The following FGD6 variants were observed in gnomAD, a reference collection of about 807,000 sequenced individuals.
FGD6 encodes the protein FYVE, RhoGEF and PH domain-containing protein 6.
FGD6 carries 90 observed loss-of-function variants against 149.4 expected under a neutral mutation model. That is an observed-to-expected ratio of 0.60 (90% CI 0.51 to 0.72). The LOEUF is 0.72. Ranked by LOEUF, FGD6 falls within the 30% of genes least tolerant of loss-of-function variation. The pLI is 0.00. For synonymous variants in FGD6, 527 were observed against 584.0 expected (o/e 0.90, Z 1.41); for missense variants, 1,437 against 1,684.8 (o/e 0.85, Z 2.57).
At chr12:95,140,391 C>T (rs1444201865) in intron 6 of FGD6, among the ~76,000 whole-genome samples, 1 of 152,112 alleles carries the variant, frequency 6.6e-6, no homozygotes, top group African/African-American at 2.4e-5. Context: ...GAGGCCAAGG[C>T]GGATCACCTG....
chr12:95,086,933 T>C (rs7299457), intron 18 of FGD6, among the ~76,000 whole-genome samples: 114,642 of 147,576 alleles, frequency 0.78, 44,746 homozygotes, highest in African/African-American at 0.82. Context: ...CTGCAACCTC[T>C]GCCTCTTGGG....
rs141415255 is a variant in FGD6 at position 95,125,986 on chromosome 12, C to G, written c.3082+8753G>C. On this transcript the variant is annotated intron_variant, in intron 8 of 20. Coordinates refer to ENST00000343958, the MANE Select transcript of FGD6 (RefSeq NM_018351.4). ...GCCCACCAGAAGTATGTCCCACAAG[C>G]CTGGCAGAAGGTAGACATCAATACA... 5.3e-4 allele frequency: 733 copies of G among 1,392,184 alleles called. 6 individuals carry two copies. In the East Asian group the frequency reaches 0.016, roughly 31 times the overall value. 86.2% of individuals were successfully genotyped at this position (1,392,184 alleles called of 1,614,324 possible).
Position 95,208,431 on chromosome 12 carries a change from C to T in FGD6, c.2441+412G>A. Among the ~76,000 whole-genome samples, 2 of 152,072 alleles carry T rather than the reference C, an allele frequency of 1.3e-5. 1 individual carries two copies. Among genetic ancestry groups the T allele is most frequent in the East Asian group, 3.9e-4 (2 of 5,186 alleles). The stretch of plus-strand genomic sequence containing the variant: ...ATGTGGAGGTTCCACCTGATAAGCG[C>T]ACCACACGTAAATGCCTACATATTT... On this transcript the variant is annotated intron_variant, in intron 2 of 20. Coordinates refer to ENST00000343958, the MANE Select transcript of FGD6 (RefSeq NM_018351.4).
At chr12:95,161,878 T>C (rs1880651917) in intron 3 of FGD6, among the ~76,000 whole-genome samples, 1 of 152,160 alleles carries the variant, frequency 6.6e-6, no homozygotes, top group Non-Finnish European at 1.5e-5. Flanking sequence ...TAGTGATCAT[T>C]AGAATCACAG....
At chr12:95,085,517 TAGTAA>T (rs1877836544) in intron 19 of FGD6, 3 of 463,156 alleles carry the variant, frequency 6.5e-6, no homozygotes, top group South Asian at 4.3e-5. Flanking sequence ...GCTCTGCCTT[TAGTAA>T]AGTAATTAGT....
intron 11 of FGD6, 140 bp from the exon 12 acceptor site, chr12:95,107,771 C>T (rs1878678701): frequency 5.0e-6 from 4 of 802,694 alleles, no homozygotes; most frequent in Admixed American, 4.8e-5. Context: ...TTTTTACAGT[C>T]ATAGTTAATT....
rs114355969 is a variant in FGD6 at position 95,097,358 on chromosome 12, G to A, written c.3498-2664C>T. Among the ~76,000 whole-genome samples, 682 of 152,202 alleles carry A rather than the reference G, an allele frequency of 4.5e-3. 4 individuals are homozygous for A. The highest frequency in any genetic ancestry group is 0.015 in the African/African-American group (604 of 41,540). On this transcript the variant is annotated intron_variant, in intron 14 of 20. Transcript: ENST00000343958. The stretch of plus-strand genomic sequence containing the variant: ...ATTGCCAAGGGTTAAAAACCTGGCC[G>A]GGCGTGGTGGCTCATGCCCGTAATC...
chr12:95,127,838 CTA>C (rs1555218618), intron 8 of FGD6, among the ~76,000 whole-genome samples: 1 of 152,152 alleles, frequency 6.6e-6, no homozygotes, highest in Non-Finnish European at 1.5e-5. Context: ...AATCAAAGGA[CTA>C]TTTTTTTCTA....
At chr12:95,205,492 C>T (rs1406097219) in intron 2 of FGD6, among the ~76,000 whole-genome samples, 1 of 152,092 alleles carries the variant, frequency 6.6e-6, no homozygotes, top group East Asian at 1.9e-4. Flanking sequence ...TTGTGATGAC[C>T]CCAGCAGAAA....
intron 1 of FGD6, among the ~76,000 whole-genome samples, chr12:95,212,366 A>G (rs1292704800): frequency 6.6e-6 from 1 of 152,208 alleles, no homozygotes; most frequent in African/African-American, 2.4e-5. Context: ...CTTCCTAAAC[A>G]TTATATATAA....
intron 3 of FGD6, among the ~76,000 whole-genome samples, chr12:95,155,850 C>T (rs778460027): frequency 6.6e-6 from 1 of 152,172 alleles, no homozygotes; most frequent in South Asian, 2.1e-4. Context: ...GGCAGAAGAA[C>T]ATAAATTGTG....
intron 18 of FGD6, 88 bp from the exon 19 acceptor site, chr12:95,085,996 A>G (rs1049538055): frequency 8.1e-6 from 10 of 1,233,154 alleles, no homozygotes; most frequent in Non-Finnish European, 1.1e-5. Flanking sequence ...GCTGAAAGCA[A>G]TAACTGTAAT....
intron 2 of FGD6, among the ~76,000 whole-genome samples, chr12:95,195,520 T>C (rs577325213): frequency 1.3e-5 from 2 of 151,744 alleles, no homozygotes; most frequent in South Asian, 4.2e-4. Flanking sequence ...AGCCTATACT[T>C]ATATGCCCTT....
intron 2 of FGD6, among the ~76,000 whole-genome samples, chr12:95,186,318 G>A (rs1405609213): frequency 3.4e-5 from 4 of 116,906 alleles, no homozygotes; most frequent in African/African-American, 1.3e-4. Flanking sequence ...GCACAATCTC[G>A]GCTTACTGCA....
chr12:95,085,828 A>G lies in FGD6; in HGVS notation c.4059T>C (p.Phe1353=). 6.2e-7 allele frequency: 1 copy of G among 1,613,978 alleles called. No individual in the cohort carries two copies. Residue 1353 remains phenylalanine (F), a synonymous_variant, in exon 19 of 21, where the codon TTT becomes TTC. Coordinates refer to ENST00000343958, the MANE Select transcript of FGD6 (RefSeq NM_018351.4). The part of the protein sequence containing the change: ...SKGNKKPWKH[F]WFVIKNKVLY... ...GTACTTTATTTTTTATGACAAACCA[A>G]AAGTGTTTCCAGGGTTTTTTATTGC...
rs1878058879 is a variant in FGD6 at position 95,091,703 on chromosome 12, T to G, written c.3850+4A>C. ...TTTTGGTTAAATCCTTACTTATATA[T>G]TACCTAATTTCTGCAGTTCTTGGAA... On this transcript the variant is annotated splice_donor_region_variant and intron_variant, in intron 17 of 20. Transcript: ENST00000343958. 6.2e-7 allele frequency: 1 copy of G among 1,608,756 alleles called. No individual in the cohort carries two copies. The highest frequency in any genetic ancestry group is 1.7e-5 in the Admixed American group (1 of 59,476).
rs73225604 is a variant in FGD6 at position 95,185,410 on chromosome 12, T to C, written c.2442-12666A>G. On this transcript the variant is annotated intron_variant, in intron 2 of 20. Transcript: ENST00000343958. ...ACAGGATCACAAACATTTATCACAG[T>C]TTCATACATTTCTACGAGGGAAGGA... Among the ~76,000 whole-genome samples the C allele has an allele frequency of 8.3e-3, 1,261 of 152,136 alleles. 12 individuals carry two copies. The highest frequency in any genetic ancestry group is 0.012 in the Non-Finnish European group (818 of 67,998).
At chr12:95,177,380 C>A (rs536660733) in intron 2 of FGD6, among the ~76,000 whole-genome samples, 88 of 152,240 alleles carry the variant, frequency 5.8e-4, no homozygotes, top group South Asian at 8.3e-4. Context: ...TCTTCTTTTG[C>A]CTGTGGTTTT....
chr12:95,135,244 T>C (rs937591329), intron 7 of FGD6, among the ~76,000 whole-genome samples: 7 of 152,178 alleles, frequency 4.6e-5, no homozygotes, highest in Admixed American at 6.5e-5. Context: ...CTGCCAGGAA[T>C]TGGATTCAAA....
Sources: gnomAD v4.1 joint callset for allele counts (sites outside exome capture counted in the v4.1 genomes callset) on GRCh38, gnomAD v4.1.1 for gene constraint, MANE v1.5 for transcripts, NCBI Gene and HGNC (gene_info 2026-07-23, HGNC 2026-07-21) for gene names.